Variants in INSIG2 observed in about 807,000 individuals in gnomAD.
INSIG2 encodes insulin-induced gene 2 protein.
INSIG2 carries 10 observed loss-of-function variants against 27.2 expected under a neutral mutation model. The observed-to-expected ratio is 0.37, with a 90% CI of 0.23 to 0.62. INSIG2 has a LOEUF of 0.62. Ranked by LOEUF, INSIG2 falls within the 20% of genes least tolerant of loss-of-function variation. The pLI, the probability that INSIG2 is intolerant of heterozygous loss-of-function variation, is 0.65. For synonymous variants in INSIG2, 97 were observed against 95.8 expected (o/e 1.01, Z -0.07); for missense variants, 178 against 270.2 (o/e 0.66, Z 2.39).
Position 118,103,225 on chromosome 2 carries a change from T to G in INSIG2, c.273T>G (p.Ile91Met), listed in dbSNP as rs1277584797. 1.9e-6 allele frequency: 3 copies of G among 1,613,748 alleles called. No individual in the cohort carries two copies. Among genetic ancestry groups the G allele is most frequent in the Non-Finnish European group, 2.5e-6 (3 of 1,179,878 alleles). Reference sequence around the variant, plus strand: ...TGATTGGGTTATTATACCCCTGCATTGACAGACATCTAGGAGAACCACATA... The same window carrying G: ...TGATTGGGTTATTATACCCCTGCATGGACAGACATCTAGGAGAACCACATA... ...SAVIGLLYPC[I>M]DRHLGEPHKF... The change falls in exon 3 of 6, where the codon ATT (isoleucine) becomes ATG (methionine). Residue 91 changes from isoleucine (I) to methionine (M), a missense_variant. Coordinates refer to ENST00000245787, the MANE Select transcript of INSIG2 (RefSeq NM_016133.4).
rs147250814 is a variant in INSIG2, at chr2:118,095,714, G to A, written c.-138-705G>A. ...TTCTTCACTTCCTTTCTTTTGCTTCGTCCTCCAGCTTTCTTACAATCCCTT... is the reference window on the plus strand; with the variant it reads ...TTCTTCACTTCCTTTCTTTTGCTTCATCCTCCAGCTTTCTTACAATCCCTT... On this transcript the variant is annotated intron_variant, in intron 1 of 5. Coordinates refer to ENST00000245787, the MANE Select transcript of INSIG2 (RefSeq NM_016133.4). Among the ~76,000 whole-genome samples the A allele has an allele frequency of 1.4e-3, 213 of 152,156 alleles. 1 individual carries two copies. Among genetic ancestry groups the A allele is most frequent in the Admixed American group, 4.8e-3 (73 of 15,282 alleles).
Position 118,103,313 on chromosome 2 carries a change from G to A in INSIG2, c.361G>A (p.Ala121Thr). 2 of 1,612,412 alleles carry A rather than the reference G, an allele frequency of 1.2e-6. No individual in the cohort carries two copies. Among genetic ancestry groups the A allele is most frequent in the Non-Finnish European group, 1.7e-6 (2 of 1,178,974 alleles). Residue 121 changes from alanine (A) to threonine (T), a missense_variant, in exon 3 of 6, where the codon GCC (alanine) becomes ACC (threonine). Ala to Thr is a moderately conservative substitution (Grantham distance 58, BLOSUM62 0). Coordinates refer to ENST00000245787, the MANE Select transcript of INSIG2 (RefSeq NM_016133.4). ...AGCAGTCTTTGTTGGTATAAATCAT[G>A]CCAGTGCTGTATCCTTTACTCTGTA... ...CVAVFVGINHASAKVDFDNNI... is the reference protein window; with the variant it reads ...CVAVFVGINHTSAKVDFDNNI...
rs149592890 is a variant in INSIG2, at chr2:118,110,682, A to G, written c.*2360A>G. ...ATAAATATATAAATGTATAGAACCTATTTTTTTCAATGAAAGAAAATGGGA... is the reference window on the plus strand; with the variant it reads ...ATAAATATATAAATGTATAGAACCTGTTTTTTTCAATGAAAGAAAATGGGA... On this transcript the variant is annotated 3_prime_UTR_variant, in exon 6 of 6. Coordinates refer to ENST00000245787, the MANE Select transcript of INSIG2 (RefSeq NM_016133.4). 1 of 152,274 alleles carries G rather than the reference A, an allele frequency of 6.6e-6. No individual in the cohort carries two copies. Among genetic ancestry groups the G allele is most frequent in the East Asian group, 1.9e-4 (1 of 5,194 alleles). The allele number at this position is 152,274 out of a possible 1,614,324, so 9.4% of individuals were successfully genotyped here.
At chr2:118,103,480 C>T (rs1678600881) in intron 3 of INSIG2, among the ~76,000 whole-genome samples, 159 bp downstream of exon 3, 1 of 152,202 alleles carries the variant, frequency 6.6e-6, no homozygotes, top group South Asian at 2.1e-4. Context: ...GGTGTAGCAG[C>T]TGTGCAATTA....
Position 118,110,240 on chromosome 2 carries a change from A to G in INSIG2, c.*1918A>G, listed in dbSNP as rs1180238050. 1 of 152,224 alleles carries G rather than the reference A, an allele frequency of 6.6e-6. No homozygotes were observed. Among genetic ancestry groups the G allele is most frequent in the Non-Finnish European group, 1.5e-5 (1 of 68,046 alleles). 9.4% of individuals were successfully genotyped at this position (152,224 alleles called of 1,614,324 possible). ...TTGACTCCTCCAAAACTTAACTACT[A>G]ATAGCCTACTCTTGATGGGAAGCCT... On this transcript the variant is annotated 3_prime_UTR_variant, in exon 6 of 6. Coordinates refer to ENST00000245787, the MANE Select transcript of INSIG2 (RefSeq NM_016133.4).
At chr2:118,098,498 G>GTT (rs1378666016) in intron 2 of INSIG2, among the ~76,000 whole-genome samples, 1 of 152,172 alleles carries the variant, frequency 6.6e-6, no homozygotes, top group East Asian at 1.9e-4. Context: ...TGCTGGGGAA[G>GTT]GGAAAAGGAA....
intron 3 of INSIG2, 32 bp from the exon 4 acceptor site, chr2:118,106,705 C>T (rs1678679851): frequency 1.3e-6 from 2 of 1,585,406 alleles, no homozygotes; most frequent in Admixed American, 1.7e-5. Flanking sequence ...TTGGTTACAA[C>T]TTTTAAGATG....
At chr2:118,098,898 A>G (rs1435088497) in intron 2 of INSIG2, among the ~76,000 whole-genome samples, 1 of 152,222 alleles carries the variant, frequency 6.6e-6, no homozygotes, top group Non-Finnish European at 1.5e-5. Flanking sequence ...ACCATAAGGT[A>G]CTTGGGCAAA....
At chr2:118,092,665 G>T (rs1280387181) in intron 1 of INSIG2, among the ~76,000 whole-genome samples, 2 of 152,146 alleles carry the variant, frequency 1.3e-5, no homozygotes, top group African/African-American at 4.8e-5. Context: ...GCAAATTGCT[G>T]AATCTCTTTG....
intron 1 of INSIG2, among the ~76,000 whole-genome samples, chr2:118,093,297 T>TGAG (rs1470990716): frequency 2.5e-4 from 14 of 55,632 alleles, no homozygotes; most frequent in African/African-American, 8.2e-4. Context: ...CAGATGATGA[T>TGAG]GATGAGGAGG....
chr2:118,100,101 T>G (rs1266602403), intron 2 of INSIG2, among the ~76,000 whole-genome samples: 1 of 152,164 alleles, frequency 6.6e-6, no homozygotes. Context: ...AGCTTCCTCT[T>G]AACACCAGCA....
chr2:118,103,272 G>T lies in INSIG2; in HGVS notation c.320G>T (p.Ser107Ile). The change falls in exon 3 of 6, where the codon AGT becomes ATT. Residue 107 changes from serine to isoleucine, a missense_variant. By Grantham distance (142) the Ser-to-Ile change is moderately radical. Coordinates refer to ENST00000245787, the MANE Select transcript of INSIG2 (RefSeq NM_016133.4). Reference sequence around the variant, plus strand: ...CATAAATTTAAAAGAGAGTGGTCCAGTGTAATGCGGTGTGTAGCAGTCTTT... The same window carrying T: ...CATAAATTTAAAAGAGAGTGGTCCATTGTAATGCGGTGTGTAGCAGTCTTT... ...EPHKFKREWS[S>I]VMRCVAVFVG... 3 of 1,613,752 alleles carry T rather than the reference G, an allele frequency of 1.9e-6. No individual in the cohort carries two copies. Among genetic ancestry groups the T allele is most frequent in the Non-Finnish European group, 2.5e-6 (3 of 1,179,744 alleles).
In INSIG2 at chr2:118,110,163, C is replaced by G. The variant is rs1678778913; in HGVS notation, c.*1841C>G. On this transcript the variant is annotated 3_prime_UTR_variant, in exon 6 of 6. Coordinates refer to ENST00000245787, the MANE Select transcript of INSIG2 (RefSeq NM_016133.4). ...CTAAATATAGTTGACCCTTGAACAA[C>G]AGGAGTTAGGGGCACCACTCCCCAA... is the stretch of plus-strand genomic sequence containing the variant. The G allele has an allele frequency of 6.6e-6, 1 of 152,114 alleles. No individual in the cohort carries two copies. Among genetic ancestry groups the G allele is most frequent in the Non-Finnish European group, 1.5e-5 (1 of 68,014 alleles). 9.4% of individuals were successfully genotyped at this position (152,114 alleles called of 1,614,324 possible). A position where few individuals can be genotyped will look rare whatever the true frequency, so the allele number is the denominator to read the frequency against.
Position 118,109,255 on chromosome 2 carries a change from T to A in INSIG2, c.*933T>A, listed in dbSNP as rs1425321589. The A allele has an allele frequency of 2.6e-5, 4 of 152,210 alleles. No homozygotes were observed. The highest frequency in any genetic ancestry group is 4.4e-5 in the Non-Finnish European group (3 of 68,028). The allele number at this position is 152,210 out of a possible 1,614,324, so 9.4% of individuals were successfully genotyped here. A position where few individuals can be genotyped will look rare whatever the true frequency, so the allele number is the denominator to read the frequency against. ...AATGAGGTTTCTAAATCTGTTGGGTTCTGTCTTCTATTGGGTTCTGTGAAG... is the reference window on the plus strand; with the variant it reads ...AATGAGGTTTCTAAATCTGTTGGGTACTGTCTTCTATTGGGTTCTGTGAAG... On this transcript the variant is annotated 3_prime_UTR_variant, in exon 6 of 6. Transcript: ENST00000245787.
At chr2:118,093,046 T>G (rs1678298364) in intron 1 of INSIG2, among the ~76,000 whole-genome samples, 2 of 124,766 alleles carry the variant, frequency 1.6e-5, no homozygotes, top group Non-Finnish European at 1.7e-5. Flanking sequence ...GGAGGAGAGT[T>G]CTGTAGCTAC....
Position 118,108,380 on chromosome 2 carries a change from A to T in INSIG2, c.*58A>T. ...CAAGATGAAAAGGATGTGAAATGGT[A>T]GATATACCAACAAAACTTCAGACTG... is the stretch of plus-strand genomic sequence containing the variant. On this transcript the variant is annotated 3_prime_UTR_variant, in exon 6 of 6. Coordinates refer to ENST00000245787, the MANE Select transcript of INSIG2 (RefSeq NM_016133.4). 7.5e-7 allele frequency: 1 copy of T among 1,329,858 alleles called. No individual in the cohort carries two copies. Among genetic ancestry groups the T allele is most frequent in the Non-Finnish European group, 1.1e-6 (1 of 936,262 alleles). The allele number at this position is 1,329,858 out of a possible 1,614,324, so 82.4% of individuals were successfully genotyped here.
intron 2 of INSIG2, among the ~76,000 whole-genome samples, chr2:118,097,934 G>A (rs1316578011): frequency 3.9e-5 from 6 of 152,150 alleles, no homozygotes; most frequent in Non-Finnish European, 5.9e-5. Flanking sequence ...AGTTAGAGGG[G>A]CACTGTTGTA....
At chr2:118,096,162 C>G (rs1257375500) in intron 1 of INSIG2, among the ~76,000 whole-genome samples, 1 of 152,108 alleles carries the variant, frequency 6.6e-6, no homozygotes, top group East Asian at 1.9e-4. Flanking sequence ...TGATTCTAAC[C>G]TTCAGGTCTC....
chr2:118,098,254 A>G (rs1678458186), intron 2 of INSIG2, among the ~76,000 whole-genome samples: 1 of 152,124 alleles, frequency 6.6e-6, no homozygotes, highest in Admixed American at 6.5e-5. Flanking sequence ...GGAAGAGCAT[A>G]CATGTCTTTT....
Sources: allele counts gnomAD v4.1 joint callset (sites outside exome capture counted in the v4.1 genomes callset), GRCh38; gene constraint gnomAD v4.1.1; transcripts MANE v1.5; gene names NCBI Gene and HGNC (gene_info 2026-07-23, HGNC 2026-07-21).